UBR2: variants seen among roughly 807,000 people sequenced by gnomAD.
The protein encoded by UBR2 is E3 ubiquitin-protein ligase UBR2.
UBR2 carries 92 observed loss-of-function variants against 247.9 expected under a neutral mutation model. That is an observed-to-expected ratio of 0.37 (90% CI 0.31 to 0.44). The LOEUF (loss-of-function observed/expected upper bound fraction) is 0.44. UBR2 is among the 20% of genes least tolerant of loss of function. UBR2 has a pLI of 1.00. For synonymous variants in UBR2, 672 were observed against 693.5 expected (o/e 0.97, Z 0.49); for missense variants, 1,613 against 2,112.6 (o/e 0.76, Z 4.64).
intron 4 of UBR2, among the ~76,000 whole-genome samples, chr6:42,598,656 CTT>C (rs956310355): frequency 6.6e-6 from 1 of 152,088 alleles, no homozygotes; most frequent in Non-Finnish European, 1.5e-5. Flanking sequence ...CTTTGTTAGT[CTT>C]TATAGGAGTC....
intron 10 of UBR2, 154 bp from the exon 11 acceptor site, chr6:42,617,255 C>G: frequency 6.2e-7 from 1 of 1,614,060 alleles, no homozygotes; most frequent in South Asian, 1.1e-5. Flanking sequence ...CCAGCAGTTG[C>G]AGAGAGATTT....
At chr6:42,636,974 C>G in intron 14 of UBR2, 37 bp from the exon 15 acceptor site, 7 of 1,585,676 alleles carry the variant, frequency 4.4e-6, no homozygotes, top group Non-Finnish European at 6.0e-6. Context: ...AAAAACTCAA[C>G]CTTTTGAGTA....
In UBR2 at chr6:42,689,660, C is replaced by G. The variant is rs758143971; in HGVS notation, c.5116C>G (p.Gln1706Glu). 1.2e-6 allele frequency: 2 copies of G among 1,613,936 alleles called. No homozygotes were observed. The highest frequency in any genetic ancestry group is 1.7e-5 in the Admixed American group (1 of 60,014). ...CCTTGATGACTATGGGGAGACCGACCAGGGACTCAGGTAAGAACCCATCCT... is the reference window on the plus strand; with the variant it reads ...CCTTGATGACTATGGGGAGACCGACGAGGGACTCAGGTAAGAACCCATCCT... Reference protein sequence around the residue: ...PYLDDYGETDQGLRRGNPLHL... With the variant: ...PYLDDYGETDEGLRRGNPLHL... Residue 1706 changes from glutamine to glutamate, a missense_variant, in exon 46 of 47, where the codon CAG becomes GAG. Gln to Glu is a conservative substitution (Grantham distance 29). Around this residue, in one of 3 missense-constraint regions of UBR2, gnomAD observed 80 missense variants for 108.6 expected, o/e 0.74. Coordinates refer to ENST00000372901, the MANE Select transcript of UBR2 (RefSeq NM_001363705.2). The surrounding 1 kb of genome is among the most constrained non-coding windows in gnomAD (Gnocchi z 4.0).
At chr6:42,646,254 A>G (rs2151962086) in intron 21 of UBR2, among the ~76,000 whole-genome samples, 1 of 152,326 alleles carries the variant, frequency 6.6e-6, no homozygotes, top group Admixed American at 6.5e-5. Flanking sequence ...TTTGAAACAT[A>G]GATCAAAACC....
Position 42,642,307 on chromosome 6 carries a change from A to G in UBR2, c.2032-109A>G, listed in dbSNP as rs2151958926. On this transcript the variant is annotated intron_variant, in intron 17 of 46. Coordinates refer to ENST00000372901, the MANE Select transcript of UBR2 (RefSeq NM_001363705.2). Reference sequence around the variant, plus strand: ...TAATGTTAATTGTTAGAGAAACCACATCACACACATGCACACATTCTTGTA... The same window carrying G: ...TAATGTTAATTGTTAGAGAAACCACGTCACACACATGCACACATTCTTGTA... 4.2e-6 allele frequency: 3 copies of G among 711,838 alleles called. No individual in the cohort carries two copies. In the South Asian group the frequency reaches 5.0e-5, roughly 12 times the overall value. 44.1% of individuals were successfully genotyped at this position (711,838 alleles called of 1,614,324 possible). A position where few individuals can be genotyped will look rare whatever the true frequency, so the allele number is the denominator to read the frequency against.
At chr6:42,656,107 C>CA (rs1797425365) in intron 26 of UBR2, among the ~76,000 whole-genome samples, 1 of 152,032 alleles carries the variant, frequency 6.6e-6, no homozygotes, top group African/African-American at 2.4e-5. Context: ...AAGAATTGTC[C>CA]AGTAAACATT....
intron 2 of UBR2, among the ~76,000 whole-genome samples, chr6:42,591,264 A>AGG (rs1456852894): frequency 6.6e-6 from 1 of 152,146 alleles, no homozygotes; most frequent in Non-Finnish European, 1.5e-5. Context: ...TCTGTCACCC[A>AGG]GGGGATTTCT....
intron 2 of UBR2, among the ~76,000 whole-genome samples, chr6:42,588,112 C>T (rs1165594512): frequency 6.6e-6 from 1 of 152,216 alleles, no homozygotes; most frequent in Admixed American, 6.5e-5. Context: ...ACACCAGTTG[C>T]AATTAATGGT....
chr6:42,588,483 A>G (rs1463713067), intron 2 of UBR2, among the ~76,000 whole-genome samples: 2 of 152,152 alleles, frequency 1.3e-5, no homozygotes, highest in African/African-American at 2.4e-5. Flanking sequence ...TAGCCTGGAC[A>G]ACATACCAAG....
intron 21 of UBR2, among the ~76,000 whole-genome samples, chr6:42,646,405 A>G (rs539709205): frequency 6.6e-6 from 1 of 152,324 alleles, no homozygotes; most frequent in South Asian, 2.1e-4. Context: ...ACCCATCACC[A>G]GCTTCAACAG....
intron 15 of UBR2, 94 bp downstream of exon 15, chr6:42,637,288 T>C: frequency 7.6e-7 from 1 of 1,318,982 alleles, no homozygotes; most frequent in Non-Finnish European, 1.0e-6. Flanking sequence ...TGCCAGATGT[T>C]ATTCTGTGAT....
chr6:42,686,672 C>A (rs1020615686), intron 44 of UBR2, among the ~76,000 whole-genome samples: 1 of 152,128 alleles, frequency 6.6e-6, no homozygotes, highest in Non-Finnish European at 1.5e-5. Flanking sequence ...AGGCGCCCCC[C>A]ACCTCCCGGA....
At chr6:42,661,801 C>T (rs1268187973) in intron 30 of UBR2, among the ~76,000 whole-genome samples, 1 of 152,180 alleles carries the variant, frequency 6.6e-6, no homozygotes, top group Admixed American at 6.5e-5. Flanking sequence ...AACCCAGCTG[C>T]CCTGAACGCA....
At chr6:42,690,554 CTG>C (rs1799697522) in intron 46 of UBR2, among the ~76,000 whole-genome samples, 2 of 152,224 alleles carry the variant, frequency 1.3e-5, no homozygotes, top group Non-Finnish European at 2.9e-5. Context: ...TTCACTGAGA[CTG>C]TGGCTGAAAG....
intron 1 of UBR2, among the ~76,000 whole-genome samples, chr6:42,571,877 C>T (rs1184538440): frequency 6.6e-6 from 1 of 151,556 alleles, no homozygotes; most frequent in East Asian, 1.9e-4. Flanking sequence ...GAATAAGATT[C>T]TAGTATGCTT....
intron 11 of UBR2, chr6:42,619,371 T>G (rs1198139819): frequency 6.9e-6 from 1 of 144,050 alleles, no homozygotes; most frequent in Non-Finnish European, 1.5e-5. Flanking sequence ...AAATGTTATT[T>G]TATGTTCTTA....
intron 2 of UBR2, among the ~76,000 whole-genome samples, chr6:42,590,064 AAG>A (rs1792557589): frequency 6.6e-6 from 1 of 152,144 alleles, no homozygotes; most frequent in Non-Finnish European, 1.5e-5. Context: ...TTCCATTCCG[AAG>A]ACTCCAGTTA....
chr6:42,576,249 T>C lies in UBR2; in HGVS notation c.338+2256T>C, dbSNP rs1187558873. Among the ~76,000 whole-genome samples, 2 of 152,204 alleles carry C rather than the reference T, an allele frequency of 1.3e-5. 1 individual carries two copies. On this transcript the variant is annotated intron_variant, in intron 2 of 46. Transcript: ENST00000372901. ...TTTATTTTATACCTATCTGTATAAA[T>C]GTATTGAAATAGATATTGGAAACCA...
At chr6:42,642,269 A>ATCTT in intron 17 of UBR2, 147 bp from the exon 18 acceptor site, 1 of 626,744 alleles carries the variant, frequency 1.6e-6, no homozygotes, top group South Asian at 1.8e-5. Flanking sequence ...TAATTAATTA[A>ATCTT]TCTTTACTAA....
Sources: gnomAD v4.1 joint callset for allele counts (sites outside exome capture counted in the v4.1 genomes callset) on GRCh38, gnomAD v4.1.1 for gene constraint, gnomAD v4.1.1 regional missense constraint, Gnocchi (gnomAD v3.1) non-coding constraint, MANE v1.5 for transcripts, NCBI Gene and HGNC (gene_info 2026-07-23, HGNC 2026-07-21) for gene names.